KLHL4: variants seen among roughly 807,000 people sequenced by gnomAD.
The protein encoded by KLHL4 is kelch-like protein 4.
A neutral mutation model predicts 45.8 loss-of-function variants in KLHL4; 17 were observed. The observed-to-expected ratio is 0.37, with a 90% CI of 0.25 to 0.56. KLHL4 has a LOEUF of 0.56. KLHL4 is among the 20% of genes least tolerant of loss of function. The probability of loss-of-function intolerance (pLI) is 0.79; values close to 1 mark genes in which losing one functional copy is unlikely to be tolerated. For missense variants in KLHL4, 544 were observed against 544.9 expected, an observed-to-expected ratio of 1.00 and a Z score of 0.02; for synonymous variants, 224 against 189.9, an observed-to-expected ratio of 1.18 and a Z score of -1.47.
chrX:87,654,323 T>A (rs910296250), intron 9 of KLHL4, among the ~76,000 whole-genome samples: 1 of 111,366 alleles, frequency 9.0e-6, no homozygotes, highest in Non-Finnish European at 1.9e-5. Context: ...CTGTCTCCAG[T>A]GTCTACTACT....
intron 6 of KLHL4, among the ~76,000 whole-genome samples, chrX:87,631,045 G>A (rs1377669300): frequency 9.0e-6 from 1 of 111,580 alleles, no homozygotes. Flanking sequence ...GTGAGGAGGT[G>A]GTGCCTGTTC....
At chrX:87,525,526 G>A (rs1244747908) in intron 1 of KLHL4, among the ~76,000 whole-genome samples, 1 of 110,990 alleles carries the variant, frequency 9.0e-6, no homozygotes, top group African/African-American at 3.3e-5. Context: ...TTTCAGCTAT[G>A]GTGTTTGTTT....
intron 1 of KLHL4, among the ~76,000 whole-genome samples, chrX:87,581,804 CTCCA>C (rs1921291315): frequency 8.9e-6 from 1 of 112,097 alleles, no homozygotes; most frequent in South Asian, 3.7e-4. Flanking sequence ...GCCCCTTTTC[CTCCA>C]AATAACTGCA....
chrX:87,641,475 C>T (rs1221135459), intron 9 of KLHL4, among the ~76,000 whole-genome samples: 2 of 111,938 alleles, frequency 1.8e-5, no homozygotes, highest in African/African-American at 3.2e-5. Context: ...GGGAGTAAAA[C>T]TCCACAGGGA....
intron 5 of KLHL4, among the ~76,000 whole-genome samples, chrX:87,623,734 G>A (rs1330227246): frequency 9.0e-6 from 1 of 111,582 alleles, no homozygotes; most frequent in Non-Finnish European, 1.9e-5. Context: ...GAGCAAGGAA[G>A]GCAATAGTAA....
In KLHL4 at chrX:87,540,226, G is replaced by A. The variant is rs1232908859; in HGVS notation, c.422+21911G>A. ...TACAACATTACTGTACACTGCTGTA[G>A]ACATTATAAACACTGTACACCTAGG... On this transcript the variant is annotated intron_variant, in intron 1 of 10. Coordinates refer to ENST00000373119, the MANE Select transcript of KLHL4 (RefSeq NM_019117.5). Among the ~76,000 whole-genome samples the A allele has an allele frequency of 3.1e-4, 34 of 111,143 alleles. No homozygotes were observed. The Admixed American group carries it at 3.3e-3, about 11-fold the overall frequency.
intron 1 of KLHL4, among the ~76,000 whole-genome samples, chrX:87,582,847 G>A (rs1921329324): frequency 8.9e-6 from 1 of 111,911 alleles, no homozygotes; most frequent in Admixed American, 9.4e-5. Context: ...AAGAGCGGAA[G>A]AACAAAGCTT....
At chrX:87,659,113 C>CTTTTTTTTTTTT (rs1178733729) in intron 9 of KLHL4, among the ~76,000 whole-genome samples, 1 of 45,101 alleles carries the variant, frequency 2.2e-5, no homozygotes, top group Non-Finnish European at 3.6e-5. Flanking sequence ...TCTTTTCTTT[C>CTTTTTTTTTTTT]TTTTTTTTTT....
rs531387031 is a variant in KLHL4 at position 87,556,485 on chromosome X, G to C, written c.422+38170G>C. On this transcript the variant is annotated intron_variant, in intron 1 of 10. Coordinates refer to ENST00000373119, the MANE Select transcript of KLHL4 (RefSeq NM_019117.5). Reference sequence around the variant, plus strand: ...TGGGAATTGAACAATGAGAACACATGGACACAGGAAGGGGAACATCACACT... The same window carrying C: ...TGGGAATTGAACAATGAGAACACATCGACACAGGAAGGGGAACATCACACT... Among the ~76,000 whole-genome samples the C allele has an allele frequency of 2.0e-4, 21 of 103,853 alleles. No individual in the cohort carries two copies. In the South Asian group the frequency reaches 0.01, roughly 50 times the overall value. The allele number at this position is 103,853 out of a possible 115,157, so 90.2% of individuals were successfully genotyped here.
At chrX:87,527,457 C>T (rs1474267105) in intron 1 of KLHL4, among the ~76,000 whole-genome samples, 1 of 111,221 alleles carries the variant, frequency 9.0e-6, no homozygotes, top group Non-Finnish European at 1.9e-5. Context: ...GATGTTAAAA[C>T]TAAGACCTAA....
chrX:87,567,796 G>C (rs1932245640), intron 1 of KLHL4, among the ~76,000 whole-genome samples: 2 of 109,362 alleles, frequency 1.8e-5, no homozygotes. Context: ...TGGACACTGG[G>C]GACTTCTGGA....
chrX:87,645,528 G>T (rs1332943554), intron 9 of KLHL4, among the ~76,000 whole-genome samples: 1 of 111,555 alleles, frequency 9.0e-6, no homozygotes, highest in Non-Finnish European at 1.9e-5. Context: ...ACTACCATTT[G>T]ACCCAGCAAT....
At position 87,669,234 on chromosome X, in the gene KLHL4, A is replaced by T; in HGVS notation, c.*2700A>T. ...TGCTTCTTGATTTTTTTCTATAATCACTATGACCGTGTTCACGATTCCCTA... is the reference window on the plus strand; with the variant it reads ...TGCTTCTTGATTTTTTTCTATAATCTCTATGACCGTGTTCACGATTCCCTA... On this transcript the variant is annotated 3_prime_UTR_variant, in exon 11 of 11. Transcript: ENST00000373119. 1 of 1,141,015 alleles carries T rather than the reference A, an allele frequency of 8.8e-7. No homozygotes were observed. 94.0% of individuals were successfully genotyped at this position (1,141,015 alleles called of 1,213,427 possible).
At chrX:87,521,166 A>T (rs932429545) in intron 1 of KLHL4, among the ~76,000 whole-genome samples, 4 of 111,232 alleles carry the variant, frequency 3.6e-5, no homozygotes, top group Non-Finnish European at 7.5e-5. Flanking sequence ...CAACCTACCA[A>T]CTGTACTGAT....
intron 1 of KLHL4, among the ~76,000 whole-genome samples, chrX:87,586,777 CA>C (rs1299402956): frequency 1.8e-5 from 2 of 110,909 alleles, no homozygotes; most frequent in African/African-American, 3.3e-5. Flanking sequence ...TAATAAAAAT[CA>C]GAGCTAAAAT....
intron 3 of KLHL4, among the ~76,000 whole-genome samples, chrX:87,615,748 C>G (rs894068166): frequency 9.0e-6 from 1 of 110,624 alleles, no homozygotes; most frequent in African/African-American, 3.3e-5. Context: ...TTTTATTATA[C>G]CATTTACATT....
chrX:87,545,354 G>T (rs770093325), intron 1 of KLHL4, among the ~76,000 whole-genome samples: 32 of 111,246 alleles, frequency 2.9e-4, no homozygotes, highest in Non-Finnish European at 3.8e-4. Context: ...TGGATATTGG[G>T]GGCGATTTTG....
chrX:87,530,540 G>A (rs1280819141), intron 1 of KLHL4, among the ~76,000 whole-genome samples: 7 of 101,397 alleles, frequency 6.9e-5, no homozygotes, highest in Admixed American at 1.1e-4. Flanking sequence ...TTGTCCTTGC[G>A]ATAGTTTACT....
chrX:87,621,984 C>T (rs1339462810), intron 4 of KLHL4, among the ~76,000 whole-genome samples: 1 of 111,656 alleles, frequency 9.0e-6, no homozygotes, highest in Non-Finnish European at 1.9e-5. Flanking sequence ...TAAAGCTAAC[C>T]TTGTATGTTC....
Sources: allele counts gnomAD v4.1 joint callset (sites outside exome capture counted in the v4.1 genomes callset), GRCh38; gene constraint gnomAD v4.1.1; transcripts MANE v1.5; gene names NCBI Gene and HGNC (gene_info 2026-07-23, HGNC 2026-07-21).